ANO6: variants seen among roughly 807,000 people sequenced by gnomAD.
The protein encoded by ANO6 is anoctamin-6.
Under a neutral mutation model 117.5 loss-of-function variants are expected in ANO6, and 106 were observed. That is an observed-to-expected ratio of 0.90 (90% CI 0.77 to 1.06). The LOEUF (loss-of-function observed/expected upper bound fraction) is 1.06. Ranked by LOEUF, ANO6 falls within the 50% of genes least tolerant of loss-of-function variation. The pLI, the probability that ANO6 is intolerant of heterozygous loss-of-function variation, is 0.00. For missense variants in ANO6, 955 were observed against 1,121.1 expected (o/e 0.85, Z 2.12); for synonymous variants, 367 against 385.1 (o/e 0.95, Z 0.55).
chr12:45,291,403 A>G (rs926284189), intron 1 of ANO6, among the ~76,000 whole-genome samples: 25 of 151,564 alleles, frequency 1.6e-4, no homozygotes, highest in Non-Finnish European at 7.4e-5. Context: ...TGGATTTGGC[A>G]GTAGATTCTT....
At chr12:45,353,818 G>T (rs1346000997) in intron 7 of ANO6, among the ~76,000 whole-genome samples, 1 of 152,018 alleles carries the variant, frequency 6.6e-6, no homozygotes, top group Non-Finnish European at 1.5e-5. Flanking sequence ...CAAGGGCAGG[G>T]TCCTATAAAA....
At chr12:45,423,743 G>A (rs1379174725) in intron 19 of ANO6, among the ~76,000 whole-genome samples, 1 of 152,126 alleles carries the variant, frequency 6.6e-6, no homozygotes, top group African/African-American at 2.4e-5. Flanking sequence ...TCATATATGT[G>A]TCCCCTTTAT....
chr12:45,244,207 A>G (rs1425123733), intron 1 of ANO6, among the ~76,000 whole-genome samples: 1 of 152,212 alleles, frequency 6.6e-6, no homozygotes, highest in South Asian at 2.1e-4. Context: ...AAAGAAGATG[A>G]ATAAGTGAAA....
intron 1 of ANO6, among the ~76,000 whole-genome samples, chr12:45,229,577 A>G (rs899826933): frequency 6.6e-6 from 1 of 151,660 alleles, no homozygotes; most frequent in African/African-American, 2.4e-5. Flanking sequence ...TTTAATAGAG[A>G]CGGGGTTTCA....
At chr12:45,272,356 G>T (rs1019289573) in intron 1 of ANO6, among the ~76,000 whole-genome samples, 1 of 152,116 alleles carries the variant, frequency 6.6e-6, no homozygotes, top group South Asian at 2.1e-4. Context: ...ATGTAAGACT[G>T]CATTTTCAGT....
chr12:45,287,946 A>G (rs1045544215), intron 1 of ANO6, among the ~76,000 whole-genome samples: 15 of 152,182 alleles, frequency 9.9e-5, no homozygotes, highest in South Asian at 2.1e-4. Context: ...TTAAAATTAT[A>G]TACCCTTTAG....
At chr12:45,356,941 A>G (rs1941427564) in intron 7 of ANO6, among the ~76,000 whole-genome samples, 1 of 152,250 alleles carries the variant, frequency 6.6e-6, no homozygotes, top group Admixed American at 6.5e-5. Flanking sequence ...TCTCATGCAT[A>G]TAAAGAACAG....
intron 1 of ANO6, among the ~76,000 whole-genome samples, chr12:45,228,584 A>T (rs951223320): frequency 6.6e-6 from 1 of 152,136 alleles, no homozygotes; most frequent in African/African-American, 2.4e-5. Context: ...AGGAGGGAAG[A>T]TTAATAGTGA....
At chr12:45,266,270 T>C (rs1938211462) in intron 1 of ANO6, among the ~76,000 whole-genome samples, 1 of 152,238 alleles carries the variant, frequency 6.6e-6, no homozygotes, top group African/African-American at 2.4e-5. Flanking sequence ...TGGTTCTATG[T>C]CATTGATCTC....
chr12:45,291,437 C>T (rs952394739), intron 1 of ANO6, among the ~76,000 whole-genome samples: 5 of 119,654 alleles, frequency 4.2e-5, no homozygotes, highest in Admixed American at 8.3e-5. Flanking sequence ...AAAACATGAA[C>T]AAAAAAAAAA....
At chr12:45,233,930 T>C (rs141129107) in intron 1 of ANO6, among the ~76,000 whole-genome samples, 24 of 152,366 alleles carry the variant, frequency 1.6e-4, no homozygotes, top group African/African-American at 5.8e-4. Flanking sequence ...ATCTGTGTTA[T>C]AGATATCAGT....
chr12:45,241,874 G>A (rs1172107161), intron 1 of ANO6, among the ~76,000 whole-genome samples: 1 of 152,242 alleles, frequency 6.6e-6, no homozygotes, highest in Non-Finnish European at 1.5e-5. Context: ...GGTATCACCA[G>A]TTGAGGCTGC....
intron 1 of ANO6, among the ~76,000 whole-genome samples, chr12:45,234,582 G>T (rs1290067315): frequency 6.6e-6 from 1 of 152,140 alleles, no homozygotes; most frequent in Non-Finnish European, 1.5e-5. Context: ...AAGTTCCCAG[G>T]GAAGTTACTG....
chr12:45,395,101 A>G (rs2137601287), intron 12 of ANO6, among the ~76,000 whole-genome samples: 1 of 152,306 alleles, frequency 6.6e-6, no homozygotes, highest in East Asian at 1.9e-4. Context: ...TAGCAAGACT[A>G]ATAAAGAAGA....
At chr12:45,427,737 T>TAA (rs755601586) in intron 19 of ANO6, among the ~76,000 whole-genome samples, 7 of 126,484 alleles carry the variant, frequency 5.5e-5, no homozygotes, top group Non-Finnish European at 8.5e-5. Context: ...TAAGTTGGTT[T>TAA]AAAAAAAAAA....
At position 45,231,659 on chromosome 12, in the gene ANO6, A is replaced by G. The variant is rs78244247; in HGVS notation, c.70+15268A>G. 7.0e-3 allele frequency among the ~76,000 whole-genome samples: 1,067 copies of G among 152,338 alleles called. 13 individuals carry two copies. The highest frequency in any genetic ancestry group is 0.024 in the African/African-American group (993 of 41,572). On this transcript the variant is annotated intron_variant, in intron 1 of 19. Transcript: ENST00000320560. The stretch of plus-strand genomic sequence containing the variant: ...TCCACTGGATTTCAGGCTGTACTCT[A>G]TTTGGAAGATTGCCAGACCATCTCA...
chr12:45,216,181 G>T lies in ANO6; in HGVS notation c.-141G>T. On this transcript the variant is annotated 5_prime_UTR_variant, in exon 1 of 20. Transcript: ENST00000320560. ...GTGCCTCGGCTCGGCTTTCCCCGGC[G>T]CTGGCTGGGCTCAGCGGCCCCTGAG... 1.0e-6 allele frequency: 1 copy of T among 964,894 alleles called. No homozygotes were observed. The highest frequency in any genetic ancestry group is 1.5e-5 in the South Asian group (1 of 66,560). The allele number at this position is 964,894 out of a possible 1,614,324, so 59.8% of individuals were successfully genotyped here.
rs1555164646 is a variant in ANO6, at chr12:45,280,879, T to TAG, written c.71-21119_71-21118dup. ...TCATATATGTGTTTTTATATATATA[T>TAG]AGAGAGAGAGAGAGAGAATATATGT... On this transcript the variant is annotated intron_variant, in intron 1 of 19. Transcript: ENST00000320560. 1.1e-3 allele frequency among the ~76,000 whole-genome samples: 162 copies of TAG among 149,938 alleles called. 2 individuals carry two copies. The East Asian group carries it at 0.017, about 16-fold the overall frequency.
At chr12:45,302,450 C>T (rs1251841814) in intron 2 of ANO6, among the ~76,000 whole-genome samples, 2 of 152,170 alleles carry the variant, frequency 1.3e-5, no homozygotes, top group Admixed American at 1.3e-4. Context: ...TAAGCATATA[C>T]AGGTATATTG....
Sources: allele counts gnomAD v4.1 joint callset (sites outside exome capture counted in the v4.1 genomes callset), GRCh38; gene constraint gnomAD v4.1.1; transcripts MANE v1.5; gene names NCBI Gene and HGNC (gene_info 2026-07-23, HGNC 2026-07-21).